The following REDIC1 variants were observed in gnomAD, a reference collection of about 807,000 sequenced individuals.
REDIC1 encodes the protein regulator of DNA class I crossover intermediates 1, also known as HEI10 Interacting Protein 1.
At chr12:39,753,001 G>A in the REDIC1 span, among the ~76,000 whole-genome samples, 2 of 152,178 alleles carry the variant, frequency 1.3e-5, no homozygotes, top group African/African-American at 4.8e-5. Context: ...CCGCAGATTT[G>A]CATTTGTAAC....
At chr12:39,698,867 A>G in the REDIC1 span, among the ~76,000 whole-genome samples, 1 of 152,226 alleles carries the variant, frequency 6.6e-6, no homozygotes, top group Non-Finnish European at 1.5e-5. Context: ...TCGTAGCTCT[A>G]AAAGTCTACA....
At chr12:39,668,641 G>A in the REDIC1 span, among the ~76,000 whole-genome samples, 67 of 152,190 alleles carry the variant, frequency 4.4e-4, no homozygotes, top group Admixed American at 1.1e-3. Context: ...ATAATATCCT[G>A]CAGAGTGTTT....
the REDIC1 span, among the ~76,000 whole-genome samples, chr12:39,638,684 TTAATAA>T: frequency 2.0e-5 from 3 of 152,088 alleles, no homozygotes; most frequent in African/African-American, 7.2e-5. Flanking sequence ...AGTGATAGCC[TTAATAA>T]TAATCTAAAA....
chr12:39,645,589 G>T, the REDIC1 span, among the ~76,000 whole-genome samples: 1 of 152,114 alleles, frequency 6.6e-6, no homozygotes, highest in African/African-American at 2.4e-5. Flanking sequence ...ACTGAGAGTT[G>T]TTTCTCTGGT....
chr12:39,712,010 C>A, the REDIC1 span, among the ~76,000 whole-genome samples: 2 of 133,404 alleles, frequency 1.5e-5, no homozygotes, highest in Non-Finnish European at 3.2e-5. Context: ...GTATATATAC[C>A]TACCTGTATG....
the REDIC1 span, among the ~76,000 whole-genome samples, chr12:39,709,426 A>G: frequency 6.6e-6 from 1 of 151,674 alleles, no homozygotes; most frequent in African/African-American, 2.4e-5. Flanking sequence ...GTACAATACA[A>G]TATTGTCAAC....
At chr12:39,712,893 A>T in the REDIC1 span, among the ~76,000 whole-genome samples, 5 of 146,832 alleles carry the variant, frequency 3.4e-5, no homozygotes, top group East Asian at 8.0e-4. Flanking sequence ...ACATATATGC[A>T]TATACGTGTA....
the REDIC1 span, among the ~76,000 whole-genome samples, chr12:39,907,225 T>C: frequency 6.6e-6 from 1 of 152,168 alleles, no homozygotes; most frequent in African/African-American, 2.4e-5. Flanking sequence ...GAGATTTGTA[T>C]TTAGTCTTTC....
At chr12:39,721,599 G>T in the REDIC1 span, 2 of 165,346 alleles carry the variant, frequency 1.2e-5, no homozygotes, top group South Asian at 1.8e-4. Flanking sequence ...CTTCCTTGTA[G>T]CATTTATTTT....
chr12:39,776,161 C>G, the REDIC1 span, among the ~76,000 whole-genome samples: 2 of 152,230 alleles, frequency 1.3e-5, no homozygotes, highest in Non-Finnish European at 2.9e-5. Flanking sequence ...ATTAGCCCTT[C>G]TCCTGCTTCA....
At chr12:39,872,999 T>C in the REDIC1 span, among the ~76,000 whole-genome samples, 1 of 152,200 alleles carries the variant, frequency 6.6e-6, no homozygotes, top group Non-Finnish European at 1.5e-5. Flanking sequence ...TTCATAATAT[T>C]TCAAAAATCA....
the REDIC1 span, among the ~76,000 whole-genome samples, chr12:39,630,251 T>C: frequency 6.6e-6 from 1 of 152,238 alleles, no homozygotes; most frequent in African/African-American, 2.4e-5. Context: ...AACCAGACTT[T>C]GGTCTGCAAA....
the REDIC1 span, among the ~76,000 whole-genome samples, chr12:39,889,529 C>CT: frequency 0.079 from 9,483 of 119,792 alleles, 510 homozygotes; most frequent in Non-Finnish European, 0.1. Flanking sequence ...GGTAAACAAC[C>CT]TTTTTTTTTT....
chr12:39,824,486 C>G, the REDIC1 span, among the ~76,000 whole-genome samples: 4 of 152,160 alleles, frequency 2.6e-5, no homozygotes, highest in South Asian at 4.2e-4. Flanking sequence ...TTTCTTATAC[C>G]TGTGTTCAAT....
At chr12:39,668,435 A>C in the REDIC1 span, among the ~76,000 whole-genome samples, 1 of 152,196 alleles carries the variant, frequency 6.6e-6, no homozygotes, top group African/African-American at 2.4e-5. Flanking sequence ...CCGAGAGATC[A>C]GCTCTTAGTC....
the REDIC1 span, among the ~76,000 whole-genome samples, chr12:39,767,228 ATCTTGTACATCTCCATCAGAGCCCTTGAG>A: frequency 6.6e-6 from 1 of 152,018 alleles, no homozygotes; most frequent in African/African-American, 2.4e-5. Context: ...AACAACATTC[ATCTTGTACATCTCCATCAGAGCCCTTGAG>A]TGACCAGTGT....
chr12:39,846,040 A>G, the REDIC1 span, among the ~76,000 whole-genome samples: 6 of 152,136 alleles, frequency 3.9e-5, no homozygotes, highest in East Asian at 9.6e-4. Context: ...CTTGTCTTCA[A>G]TGATTTTTCT....
chr12:39,637,917 A>G, the REDIC1 span, among the ~76,000 whole-genome samples: 1 of 152,054 alleles, frequency 6.6e-6, no homozygotes, highest in Admixed American at 6.6e-5. Flanking sequence ...TAGCCAAATA[A>G]AAATGACCTT....
chr12:39,659,874 C>CCTTGGAAACACTATGGTA, the REDIC1 span, among the ~76,000 whole-genome samples: 3 of 152,120 alleles, frequency 2.0e-5, no homozygotes, highest in African/African-American at 4.8e-5. Context: ...TGCACATCAT[C>CCTTGGAAACACTATGGTA]CTTGGAAACA....
Sources: allele counts gnomAD v4.1 joint callset (sites outside exome capture counted in the v4.1 genomes callset), GRCh38; gene constraint gnomAD v4.1.1; transcripts MANE v1.5; gene names NCBI Gene and HGNC (gene_info 2026-07-23, HGNC 2026-07-21).